Variants in RBFOX1 observed in about 807,000 individuals in gnomAD.
RBFOX1 encodes RNA binding fox-1 homolog 1.
Under a neutral mutation model 57.7 loss-of-function variants are expected in RBFOX1, and 8 were observed. The ratio of observed to expected loss-of-function variants is 0.14; its 90% CI spans 0.08 to 0.25. The LOEUF (loss-of-function observed/expected upper bound fraction) is 0.25, where lower values mean the gene tolerates loss of function less well. Among genes scored for constraint, RBFOX1 ranks in the 10% least tolerant of loss-of-function variants. RBFOX1 has a pLI of 1.00. For missense variants in RBFOX1, 611 were observed against 548.5 expected (o/e 1.11, Z -1.14); for synonymous variants, 326 against 222.4 (o/e 1.47, Z -4.15).
At chr16:5,266,818 C>G (rs937793940) in intron 1 of RBFOX1, among the ~76,000 whole-genome samples, 1 of 151,914 alleles carries the variant, frequency 6.6e-6, no homozygotes, top group Non-Finnish European at 1.5e-5. Flanking sequence ...CTCGGCCTCC[C>G]AAAGTGCTGG....
chr16:7,054,932 G>A lies in RBFOX1; in HGVS notation c.27+2834G>A, dbSNP rs938252229. Among the ~76,000 whole-genome samples, 8 of 152,264 alleles carry A rather than the reference G, an allele frequency of 5.3e-5. No homozygotes were observed. In the South Asian group the frequency reaches 1.5e-3, roughly 28 times the overall value. On this transcript the variant is annotated intron_variant, in intron 4 of 15. Transcript: ENST00000550418. ...AGATGATTTAGAAAGATAAAGCTGC[G>A]CTTTCTGTTTTGTGCCCCATCGAGG...
rs146783806 is a variant in RBFOX1 at position 5,905,868 on chromosome 16, C to G, written c.351+38533C>G. ...CTCCCCAAATGCCTCCTCCGGAAGC[C>G]TTCCTAATTTCCCTCTTTAGAATTC... On this transcript the variant is annotated intron_variant, in intron 4 of 19. Transcript: ENST00000641259. 6.2e-3 allele frequency among the ~76,000 whole-genome samples: 940 copies of G among 152,308 alleles called. 13 individuals are homozygous for G. Among genetic ancestry groups the G allele is most frequent in the African/African-American group, 0.021 (875 of 41,550 alleles).
At chr16:7,415,816 C>T (rs1025817016) in intron 4 of RBFOX1, among the ~76,000 whole-genome samples, 2 of 152,072 alleles carry the variant, frequency 1.3e-5, no homozygotes, top group Non-Finnish European at 2.9e-5. Flanking sequence ...GCCCTTCTTT[C>T]CAAAGTTATT....
chr16:7,062,282 C>T (rs530274650), intron 4 of RBFOX1, among the ~76,000 whole-genome samples: 11 of 133,030 alleles, frequency 8.3e-5, no homozygotes, highest in African/African-American at 1.2e-4. Flanking sequence ...CATGCCACTG[C>T]ACTCCAGTCT....
intron 1 of RBFOX1, among the ~76,000 whole-genome samples, chr16:5,266,984 C>T (rs927496773): frequency 6.6e-6 from 1 of 152,024 alleles, no homozygotes; most frequent in African/African-American, 2.4e-5. Context: ...GAGTGATTGG[C>T]ATGAAAGCTG....
Position 7,153,102 on chromosome 16 carries a change from G to A in RBFOX1, c.27+101004G>A, listed in dbSNP as rs181440946. 7.1e-4 allele frequency among the ~76,000 whole-genome samples: 108 copies of A among 152,194 alleles called. 1 individual carries two copies. The highest frequency in any genetic ancestry group is 2.6e-3 in the African/African-American group (107 of 41,538). ...TTTTGTACAAAACTTGTCTCTTAAT[G>A]TTATAATCTGGCTGGAGAGAAAAAT... On this transcript the variant is annotated intron_variant, in intron 4 of 15. Transcript: ENST00000550418.
intron 4 of RBFOX1, among the ~76,000 whole-genome samples, chr16:7,479,423 C>G (rs1767207110): frequency 6.6e-6 from 1 of 152,068 alleles, no homozygotes; most frequent in Non-Finnish European, 1.5e-5. Flanking sequence ...AGCCGGGGTG[C>G]CTGGCCCAAA....
chr16:7,296,932 G>A (rs950449447), intron 4 of RBFOX1, among the ~76,000 whole-genome samples: 8 of 152,288 alleles, frequency 5.3e-5, no homozygotes, highest in South Asian at 4.1e-4. Flanking sequence ...AATGTGAGCA[G>A]TATAGGTATG....
intron 3 of RBFOX1, among the ~76,000 whole-genome samples, chr16:6,931,354 C>CAT (rs1189854743): frequency 6.6e-6 from 1 of 151,170 alleles, no homozygotes; most frequent in African/African-American, 2.4e-5. Context: ...CACACACACA[C>CAT]ACACACACAT....
chr16:6,753,512 A>T (rs1047321381), intron 3 of RBFOX1, among the ~76,000 whole-genome samples: 1 of 152,110 alleles, frequency 6.6e-6, no homozygotes, highest in Non-Finnish European at 1.5e-5. Context: ...CTCCTATACC[A>T]TGTCTCTCTG....
chr16:6,343,378 T>C (rs1317369748), intron 2 of RBFOX1, among the ~76,000 whole-genome samples: 6 of 151,104 alleles, frequency 4.0e-5, no homozygotes, highest in Non-Finnish European at 8.9e-5. Flanking sequence ...AGTAGATTTT[T>C]CCCCCTAAAT....
At chr16:7,224,717 A>T (rs1037971033) in intron 4 of RBFOX1, among the ~76,000 whole-genome samples, 4 of 152,222 alleles carry the variant, frequency 2.6e-5, no homozygotes, top group African/African-American at 9.6e-5. Context: ...TCTAAAACCA[A>T]TCAATGGGAA....
chr16:5,767,048 C>G (rs537954389), intron 3 of RBFOX1, among the ~76,000 whole-genome samples: 2 of 152,306 alleles, frequency 1.3e-5, no homozygotes, highest in East Asian at 1.9e-4. Context: ...GAACTGATGT[C>G]TCAGTCAGTT....
Position 5,856,604 on chromosome 16 carries a change from T to G in RBFOX1, c.319-10699T>G, listed in dbSNP as rs12325668. ...ATATATATATATATATATATATATA[T>G]AATCTTAGCCAGATCTTCTGGATAA... is the stretch of plus-strand genomic sequence containing the variant. On this transcript the variant is annotated intron_variant, in intron 3 of 19. Coordinates refer to the RBFOX1 transcript ENST00000641259. Among the ~76,000 whole-genome samples the G allele has an allele frequency of 3.5e-3, 239 of 68,112 alleles. 17 individuals carry two copies. The highest frequency in any genetic ancestry group is 0.011 in the African/African-American group (229 of 20,844). The allele number at this position is 68,112 out of a possible 152,430, so 44.7% of individuals were successfully genotyped here.
chr16:6,296,059 C>G (rs1423182995), intron 1 of RBFOX1, among the ~76,000 whole-genome samples: 2 of 152,196 alleles, frequency 1.3e-5, no homozygotes, highest in Non-Finnish European at 2.9e-5. Flanking sequence ...AGCCCAGGAT[C>G]TTCATCCTTT....
intron 4 of RBFOX1, among the ~76,000 whole-genome samples, chr16:5,959,914 C>G (rs1246304634): frequency 6.6e-6 from 1 of 152,142 alleles, no homozygotes; most frequent in Non-Finnish European, 1.5e-5. Context: ...ATAAGAGGAA[C>G]CCTAGGCTGG....
intron 2 of RBFOX1, among the ~76,000 whole-genome samples, chr16:5,512,725 A>G (rs1334540849): frequency 1.3e-5 from 2 of 151,868 alleles, no homozygotes; most frequent in Non-Finnish European, 2.9e-5. Context: ...AACATCTTAT[A>G]CTCTTGTGAC....
At chr16:7,598,694 T>C (rs572720453) in intron 9 of RBFOX1, among the ~76,000 whole-genome samples, 1 of 152,338 alleles carries the variant, frequency 6.6e-6, no homozygotes, top group East Asian at 1.9e-4. Flanking sequence ...GTTGTATACA[T>C]TTTTATGTGA....
At chr16:6,481,161 C>A (rs946275843) in intron 2 of RBFOX1, among the ~76,000 whole-genome samples, 1 of 152,140 alleles carries the variant, frequency 6.6e-6, no homozygotes, top group African/African-American at 2.4e-5. Flanking sequence ...GACTCTACTG[C>A]CATTCTTGGT....
Sources: allele counts gnomAD v4.1 joint callset (sites outside exome capture counted in the v4.1 genomes callset), GRCh38; gene constraint gnomAD v4.1.1; transcripts MANE v1.5; gene names NCBI Gene and HGNC (gene_info 2026-07-23, HGNC 2026-07-21).